NLRP10: variants seen among roughly 807,000 people sequenced by gnomAD.
NLRP10 encodes the protein NLR family pyrin domain containing 10.
In NLRP10, 7 loss-of-function variants were observed where a neutral mutation model predicts 8.2. That is an observed-to-expected ratio of 0.85 (90% CI 0.48 to 1.60). The LOEUF (loss-of-function observed/expected upper bound fraction) is 1.60, where lower values mean the gene tolerates loss of function less well. NLRP10 is among the 40% of genes most tolerant of loss of function. The pLI, the probability that NLRP10 is intolerant of heterozygous loss-of-function variation, is 0.00. For synonymous variants in NLRP10, 338 were observed against 314.0 expected (o/e 1.08, Z -0.81); for missense variants, 814 against 776.3 (o/e 1.05, Z -0.58).
chr11:7,964,940 C>T (rs934276387), intron 1 of NLRP10, among the ~76,000 whole-genome samples: 1 of 152,126 alleles, frequency 6.6e-6, no homozygotes, highest in Non-Finnish European at 1.5e-5. Flanking sequence ...TGAGAGTGTT[C>T]AAAAGAGAAT....
At chr11:7,963,600 G>C in intron 1 of NLRP10, 60 bp from the exon 2 acceptor site, 1 of 1,020,016 alleles carries the variant, frequency 9.8e-7, no homozygotes, top group Non-Finnish European at 1.4e-6. Context: ...CTTTCTGGGG[G>C]CTTGGCCAAG....
Position 7,959,860 on chromosome 11 carries a change from T to C in NLRP10, c.1752A>G (p.Val584=), listed in dbSNP as rs748590344. The change falls in exon 3 of 3, where the codon GTA becomes GTG. Residue 584 remains valine, a synonymous_variant. Coordinates refer to ENST00000691676, the MANE Select transcript of NLRP10 (RefSeq NM_001391958.1). ...CATTTGAATGTTTTATCTTGAATGA[T>C]ACATTGTTCATCTGAATACCTTTTA... ...NLVKGIQMNN[V]SFKIKHSNEK... is the part of the protein sequence containing the mutation. The C allele has an allele frequency of 6.8e-6, 11 of 1,613,374 alleles. No homozygotes were observed. The Admixed American group carries it at 1.7e-4, about 24-fold the overall frequency.
chr11:7,962,231 C>CTTTTTTTTTTGTTTTTTTTTTTT (rs1941744131), intron 2 of NLRP10, among the ~76,000 whole-genome samples: 1 of 66,994 alleles, frequency 1.5e-5, no homozygotes, highest in Non-Finnish European at 2.6e-5. Flanking sequence ...TAAGCCTGTT[C>CTTTTTTTTTTGTTTTTTTTTTTT]TTTTTTTTTT....
In NLRP10 at chr11:7,958,859, T is replaced by C. The variant is rs1027676716; in HGVS notation, c.*785A>G. Among the ~76,000 whole-genome samples, 1 of 152,374 alleles carries C rather than the reference T, an allele frequency of 6.6e-6. No individual in the cohort carries two copies. The highest frequency in any genetic ancestry group is 2.4e-5 in the African/African-American group (1 of 41,594). Reference sequence around the variant, plus strand: ...TTATTATTGAGTTTTAAGAGCTATTTGTATTTTTTTTTACCCAAGTCTTTT... The same window carrying C: ...TTATTATTGAGTTTTAAGAGCTATTCGTATTTTTTTTTACCCAAGTCTTTT... On this transcript the variant is annotated 3_prime_UTR_variant, in exon 3 of 3. Transcript: ENST00000691676.
Position 7,959,384 on chromosome 11 carries a change from A to T in NLRP10, c.*260T>A. Reference sequence around the variant, plus strand: ...CAACTTTGTTCTTCTTCAATATTTTATTGGCTATTCTGAGTCTTTTGCCTT... The same window carrying T: ...CAACTTTGTTCTTCTTCAATATTTTTTTGGCTATTCTGAGTCTTTTGCCTT... On this transcript the variant is annotated 3_prime_UTR_variant, in exon 3 of 3. Coordinates refer to ENST00000691676, the MANE Select transcript of NLRP10 (RefSeq NM_001391958.1). The T allele has an allele frequency of 2.7e-6, 1 of 371,320 alleles. No homozygotes were observed. The highest frequency in any genetic ancestry group is 4.7e-6 in the Non-Finnish European group (1 of 211,322). The allele number at this position is 371,320 out of a possible 1,614,324, so 23.0% of individuals were successfully genotyped here. A position where few individuals can be genotyped will look rare whatever the true frequency, so the allele number is the denominator to read the frequency against.
chr11:7,962,521 C>T (rs955031093), intron 2 of NLRP10, among the ~76,000 whole-genome samples: 1 of 152,060 alleles, frequency 6.6e-6, no homozygotes, highest in Non-Finnish European at 1.5e-5. Flanking sequence ...CAGGCGTGAG[C>T]CACTGCGCCC....
rs1419834500 is a variant in NLRP10, at chr11:7,958,784, G to A, written c.*860C>T. 6.6e-6 allele frequency among the ~76,000 whole-genome samples: 1 copy of A among 152,126 alleles called. No homozygotes were observed. The highest frequency in any genetic ancestry group is 6.5e-5 in the Admixed American group (1 of 15,278). On this transcript the variant is annotated 3_prime_UTR_variant, in exon 3 of 3. Coordinates refer to ENST00000691676, the MANE Select transcript of NLRP10 (RefSeq NM_001391958.1). The stretch of plus-strand genomic sequence containing the variant: ...AGGATGGTCTCGGTCTCTTGACCTC[G>A]TGATCCACCAGCCTGGGCCTCCTAC...
In NLRP10 at chr11:7,958,605, AG is replaced by A. The variant is rs564871850; in HGVS notation, c.*1038del. On this transcript the variant is annotated 3_prime_UTR_variant, in exon 3 of 3. Coordinates refer to ENST00000691676, the MANE Select transcript of NLRP10 (RefSeq NM_001391958.1). ...TCACTCTGTTGCCAGGCTGGAGTGCAGTGGTGCGATCTCAGCTCACTGCAAC... is the reference window on the plus strand; with the variant it reads ...TCACTCTGTTGCCAGGCTGGAGTGCATGGTGCGATCTCAGCTCACTGCAAC... 1.8e-3 allele frequency among the ~76,000 whole-genome samples: 267 copies of A among 151,672 alleles called. 1 individual carries two copies. The highest frequency in any genetic ancestry group is 2.9e-3 in the Non-Finnish European group (195 of 67,940).
Position 7,957,818 on chromosome 11 carries a change from T to A in NLRP10, c.*1826A>T, listed in dbSNP as rs1367090858. On this transcript the variant is annotated 3_prime_UTR_variant, in exon 3 of 3. Transcript: ENST00000691676. ...TTATGTCATGACTCCATCATTATAA[T>A]ATCACACAGAATAGTTTTACTATCC... Among the ~76,000 whole-genome samples the A allele has an allele frequency of 6.6e-5, 10 of 152,176 alleles. No individual in the cohort carries two copies. The highest frequency in any genetic ancestry group is 1.5e-4 in the Non-Finnish European group (10 of 68,026).
rs777744853 is a variant in NLRP10, at chr11:7,963,355, C to T, written c.141G>A (p.Gly47=). ...LSEGQPPLAR[G]ELEGLIPVDL... ...CCACCGGAATCAGGCCCTCCAACTC[C>T]CCTCTGGCCAGTGGGGGCTGGCCCT... Residue 47 remains glycine (G), a synonymous_variant, in exon 2 of 3, where the codon GGG becomes GGA. Transcript: ENST00000691676. 17 of 1,614,108 alleles carry T rather than the reference C, an allele frequency of 1.1e-5. No homozygotes were observed. The African/African-American group carries it at 2.3e-4, about 22-fold the overall frequency.
At position 7,960,165 on chromosome 11, in the gene NLRP10, C is replaced by T. The variant is rs1354897496; in HGVS notation, c.1447G>A (p.Asp483Asn). 6.2e-7 allele frequency: 1 copy of T among 1,613,942 alleles called. No individual in the cohort carries two copies. The change falls in exon 3 of 3, where the codon GAC (aspartate) becomes AAC (asparagine). Residue 483 changes from aspartate to asparagine, a missense_variant. Transcript: ENST00000691676. ...GACTCCTTCCCCAGCCGGCTTTGGTCCTCTTTCACCAGGTAAGACATGGCA... is the reference window on the plus strand; with the variant it reads ...GACTCCTTCCCCAGCCGGCTTTGGTTCTCTTTCACCAGGTAAGACATGGCA... ...FHAMSYLVKEDQSRLGKESRR... is the reference protein window; with the variant it reads ...FHAMSYLVKENQSRLGKESRR...
At position 7,960,751 on chromosome 11, in the gene NLRP10, G is replaced by A. The variant is rs73412948; in HGVS notation, c.861C>T (p.Ser287=). The change falls in exon 3 of 3, where the codon TCC becomes TCT. Residue 287 remains serine (S), a synonymous_variant. Coordinates refer to ENST00000691676, the MANE Select transcript of NLRP10 (RefSeq NM_001391958.1). ...LIRRHTLPTC[S]LLITTRPLAL... ...CCAGGGGCCGGGTGGTGATGAGAAG[G>A]GAGCACGTGGGGAGTGTATGTCTCC... The A allele has an allele frequency of 2.5e-3, 3,976 of 1,614,146 alleles. 76 individuals are homozygous for A. The African/African-American group carries it at 0.048, about 19-fold the overall frequency.
Position 7,958,169 on chromosome 11 carries a change from G to A in NLRP10, c.*1475C>T, listed in dbSNP as rs1041633797. ...AATTTGGGCAATTACGAATAAAGCT[G>A]CTATAAATATTCATGTGCAGGTTTT... On this transcript the variant is annotated 3_prime_UTR_variant, in exon 3 of 3. Transcript: ENST00000691676. Among the ~76,000 whole-genome samples, 1 of 152,178 alleles carries A rather than the reference G, an allele frequency of 6.6e-6. No individual in the cohort carries two copies. The highest frequency in any genetic ancestry group is 1.5e-5 in the Non-Finnish European group (1 of 68,036).
At chr11:7,963,658 A>G (rs1485315252) in intron 1 of NLRP10, 118 bp from the exon 2 acceptor site, 1 of 605,192 alleles carries the variant, frequency 1.7e-6, no homozygotes, top group Non-Finnish European at 2.9e-6. Context: ...GCAAAGCTCC[A>G]AGAAAGACAA....
At chr11:7,961,651 G>T (rs1001637667) in intron 2 of NLRP10, among the ~76,000 whole-genome samples, 12 of 152,158 alleles carry the variant, frequency 7.9e-5, no homozygotes, top group Non-Finnish European at 1.6e-4. Context: ...GCATCAGCAA[G>T]TGTGTGTCTG....
At position 7,960,046 on chromosome 11, in the gene NLRP10, T is replaced by G; in HGVS notation, c.1566A>C (p.Lys522Asn). 6.2e-7 allele frequency: 1 copy of G among 1,614,160 alleles called. No homozygotes were observed. Among genetic ancestry groups the G allele is most frequent in the Non-Finnish European group, 8.5e-7 (1 of 1,180,026 alleles). Reference sequence around the variant, plus strand: ...GCTCCAAGTTCGAGAAGCTGTCTTTTTTCGAGATGTCCAGTAAAAACTGCA... The same window carrying G: ...GCTCCAAGTTCGAGAAGCTGTCTTTGTTCGAGATGTCCAGTAAAAACTGCA... ...LTMQFLLDIS[K>N]KDSFSNLELK... is the part of the protein sequence containing the mutation. Residue 522 changes from lysine to asparagine, a missense_variant, in exon 3 of 3, where the codon AAA (lysine) becomes AAC (asparagine). Transcript: ENST00000691676.
At position 7,960,556 on chromosome 11, in the gene NLRP10, CTGACACGCTTTGTAGAGAA is replaced by C. The variant is rs1564877774; in HGVS notation, c.1037_1055del (p.Ile346ArgfsTer24). 1 of 1,614,212 alleles carries C rather than the reference CTGACACGCTTTGTAGAGAA, an allele frequency of 6.2e-7. No homozygotes were observed. Among genetic ancestry groups the C allele is most frequent in the Non-Finnish European group, 8.5e-7 (1 of 1,180,046 alleles). ...AGACCACCCAGCAAATGCCTGGAACCTGACACGCTTTGTAGAGAATGTCATTTTTCTGTACAATGTCGAA... is the reference window on the plus strand; with the variant it reads ...AGACCACCCAGCAAATGCCTGGAACCTGTCATTTTTCTGTACAATGTCGAA... On this transcript the variant is annotated frameshift_variant, in exon 3 of 3. Coordinates refer to ENST00000691676, the MANE Select transcript of NLRP10 (RefSeq NM_001391958.1). LOFTEE classifies it low-confidence loss of function (END_TRUNC).
rs1941649648 is a variant in NLRP10, at chr11:7,958,075, A to G, written c.*1569T>C. On this transcript the variant is annotated 3_prime_UTR_variant, in exon 3 of 3. Coordinates refer to ENST00000691676, the MANE Select transcript of NLRP10 (RefSeq NM_001391958.1). The stretch of plus-strand genomic sequence containing the variant: ...TCATTTATTTTTATCACTGAATACT[A>G]TTACATTATGTGGATGTATCACAGT... Among the ~76,000 whole-genome samples the G allele has an allele frequency of 2.0e-5, 3 of 152,166 alleles. No homozygotes were observed. Among genetic ancestry groups the G allele is most frequent in the Non-Finnish European group, 4.4e-5 (3 of 68,026 alleles).
In NLRP10 at chr11:7,960,287, C is replaced by T; in HGVS notation, c.1325G>A (p.Arg442Lys). The change falls in exon 3 of 3, where the codon AGG (arginine) becomes AAG (lysine). Residue 442 changes from arginine (R) to lysine (K), a missense_variant. Physicochemically the swap from Arg to Lys is conservative, Grantham distance 26. Transcript: ENST00000691676. ...GTTACTACTCAGGAAAGCGGCAAGC[C>T]TGGGGCCATCTAAATTATGTTTCCT... ...ELRKHNLDGPRLAAFLSSNDY... is the reference protein window; with the variant it reads ...ELRKHNLDGPKLAAFLSSNDY... The T allele has an allele frequency of 6.2e-7, 1 of 1,614,144 alleles. No individual in the cohort carries two copies. Among genetic ancestry groups the T allele is most frequent in the Non-Finnish European group, 8.5e-7 (1 of 1,180,028 alleles).
Sources: gnomAD v4.1 joint callset for allele counts (sites outside exome capture counted in the v4.1 genomes callset) on GRCh38, gnomAD v4.1.1 for gene constraint, MANE v1.5 for transcripts, NCBI Gene and HGNC (gene_info 2026-07-23, HGNC 2026-07-21) for gene names.